Variants in ITGA2 observed in about 807,000 individuals in gnomAD.
ITGA2 encodes integrin subunit alpha 2.
In ITGA2, 101 loss-of-function variants were observed where a neutral mutation model predicts 146.3. The ratio of observed to expected loss-of-function variants is 0.69; its 90% CI spans 0.59 to 0.81. The LOEUF (loss-of-function observed/expected upper bound fraction) is 0.81. Ranked by LOEUF, ITGA2 falls within the 40% of genes least tolerant of loss-of-function variation. The probability of loss-of-function intolerance (pLI) is 0.00; values close to 1 mark genes in which losing one functional copy is unlikely to be tolerated. For missense variants in ITGA2, 1,281 were observed against 1,402.7 expected, an observed-to-expected ratio of 0.91 and a Z score of 1.39; for synonymous variants, 477 against 487.1, an observed-to-expected ratio of 0.98 and a Z score of 0.27.
In ITGA2 at chr5:53,093,539, G is replaced by C. The variant is rs6898333; in HGVS notation, c.*2940G>C. 6.6e-6 allele frequency: 1 copy of C among 151,764 alleles called. No individual in the cohort carries two copies. Among genetic ancestry groups the C allele is most frequent in the Non-Finnish European group, 1.5e-5 (1 of 67,952 alleles). 9.4% of individuals were successfully genotyped at this position (151,764 alleles called of 1,614,324 possible). A position where few individuals can be genotyped will look rare whatever the true frequency, so the allele number is the denominator to read the frequency against. On this transcript the variant is annotated 3_prime_UTR_variant, in exon 30 of 30. Transcript: ENST00000296585. ...CCCGATGCCAGAGCATGCTCCCCCC[G>C]CAGTCATGACAATCAAAAAATGTCT... is the stretch of plus-strand genomic sequence containing the variant.
At chr5:52,991,803 C>T (rs546001511) in intron 1 of ITGA2, among the ~76,000 whole-genome samples, 4 of 152,262 alleles carry the variant, frequency 2.6e-5, no homozygotes, top group African/African-American at 9.6e-5. Context: ...TATTTATCAC[C>T]TTTCAGTGCT....
chr5:53,022,208 A>AT (rs11446528), intron 1 of ITGA2, among the ~76,000 whole-genome samples: 47,363 of 113,404 alleles, frequency 0.42, 7,624 homozygotes, highest in Non-Finnish European at 0.44. Flanking sequence ...GTTTCACTGC[A>AT]TTTTTTTTTT....
chr5:53,012,851 T>C (rs1742208274), intron 1 of ITGA2, among the ~76,000 whole-genome samples: 1 of 152,320 alleles, frequency 6.6e-6, no homozygotes, highest in South Asian at 2.1e-4. Context: ...TAAAGATCAA[T>C]GGTGTGGAGC....
intron 23 of ITGA2, among the ~76,000 whole-genome samples, chr5:53,075,610 T>A (rs1745627899): frequency 6.6e-6 from 1 of 151,948 alleles, no homozygotes; most frequent in South Asian, 2.1e-4. Flanking sequence ...CTCAAAATGT[T>A]GAAACAGAAC....
chr5:52,989,606 G>C (rs1740817316), intron 1 of ITGA2, 74 bp downstream of exon 1: 3 of 1,529,934 alleles, frequency 2.0e-6, no homozygotes, highest in Admixed American at 3.3e-5. Context: ...TGGAGGGATT[G>C]GGCGGAACTA....
Position 53,059,938 on chromosome 5 carries a change from C to G in ITGA2, c.1238C>G (p.Ser413Cys). Reference protein sequence around the residue: ...GWSGTIVQKTSHGHLIFPKQA... With the variant: ...GWSGTIVQKTCHGHLIFPKQA... ...AGTGGGACCATTGTCCAGAAGACAT[C>G]TCATGGCCATTTGATCTTTCCTAAA... is the stretch of plus-strand genomic sequence containing the variant. The change falls in exon 11 of 30, where the codon TCT becomes TGT. Residue 413 changes from serine to cysteine, a missense_variant. By Grantham distance (112) the Ser-to-Cys change is moderately radical (BLOSUM62 -1). Transcript: ENST00000296585. 1 of 1,612,268 alleles carries G rather than the reference C, an allele frequency of 6.2e-7. No homozygotes were observed. Among genetic ancestry groups the G allele is most frequent in the Non-Finnish European group, 8.5e-7 (1 of 1,178,906 alleles).
At chr5:53,044,934 T>G in intron 3 of ITGA2, 67 bp from the exon 4 acceptor site, 1 of 1,152,768 alleles carries the variant, frequency 8.7e-7, no homozygotes, top group Non-Finnish European at 1.3e-6. Context: ...GTGCCTGTTT[T>G]CTTTTAATAT....
At chr5:53,028,815 C>T (rs1025092067) in intron 2 of ITGA2, among the ~76,000 whole-genome samples, 2 of 152,138 alleles carry the variant, frequency 1.3e-5, no homozygotes. Context: ...ACCAAAATAC[C>T]AATTATACCT....
intron 2 of ITGA2, among the ~76,000 whole-genome samples, chr5:53,033,590 A>AAATT (rs199738261): frequency 3.3e-5 from 5 of 151,956 alleles, no homozygotes; most frequent in Admixed American, 6.6e-5. Flanking sequence ...TTATTTAATT[A>AAATT]AATTAATTAA....
intron 2 of ITGA2, among the ~76,000 whole-genome samples, chr5:53,039,015 C>T (rs1298417466): frequency 1.3e-5 from 2 of 152,110 alleles, no homozygotes; most frequent in African/African-American, 4.8e-5. Flanking sequence ...ATTACTTGAA[C>T]CCAGGAAGTG....
At chr5:53,013,128 T>C (rs1742224783) in intron 1 of ITGA2, among the ~76,000 whole-genome samples, 1 of 152,092 alleles carries the variant, frequency 6.6e-6, no homozygotes. Context: ...GTCAATTTTG[T>C]TTTGTTATAA....
At chr5:53,055,445 G>T (rs543718645) in intron 7 of ITGA2, 93 bp from the exon 8 acceptor site, 2 of 1,105,168 alleles carry the variant, frequency 1.8e-6, no homozygotes, top group Admixed American at 1.8e-5. Flanking sequence ...TGTGTTTAAA[G>T]AAGCTAGTTT....
In ITGA2 at chr5:53,081,623, A is replaced by C; in HGVS notation, c.3071A>C (p.Asn1024Thr). Residue 1024 changes from asparagine to threonine, a missense_variant, in exon 26 of 30, where the codon AAT becomes ACT. This residue lies in a region of ITGA2 where 475 missense variants were observed against 530.5 expected (regional missense o/e 0.90). Transcript: ENST00000296585. ...GACATCAGTTGTAATGCAGATATCAATCCACTGAAAATAGGACAAACATCT... is the reference window on the plus strand; with the variant it reads ...GACATCAGTTGTAATGCAGATATCACTCCACTGAAAATAGGACAAACATCT... ...AGDISCNADINPLKIGQTSSS... is the reference protein window; with the variant it reads ...AGDISCNADITPLKIGQTSSS... 6.2e-7 allele frequency: 1 copy of C among 1,613,058 alleles called. No individual in the cohort carries two copies. Among genetic ancestry groups the C allele is most frequent in the Non-Finnish European group, 8.5e-7 (1 of 1,179,580 alleles).
In ITGA2 at chr5:53,028,747, C is replaced by G. The variant is rs565719993; in HGVS notation, c.185+1879C>G. 2.0e-5 allele frequency among the ~76,000 whole-genome samples: 3 copies of G among 152,296 alleles called. No homozygotes were observed. In the East Asian group the frequency reaches 5.8e-4, roughly 29 times the overall value. On this transcript the variant is annotated intron_variant, in intron 2 of 29. Transcript: ENST00000296585. ...AGCTAATGAGGCCAAAAATCTTTGA[C>G]TTGTCTTCTTTCTCCTCCCCTATAT...
Position 53,058,011 on chromosome 5 carries a change from A to G in ITGA2, c.1097-14A>G. The G allele has an allele frequency of 6.2e-7, 1 of 1,602,946 alleles. No individual in the cohort carries two copies. The highest frequency in any genetic ancestry group is 1.3e-5 in the African/African-American group (1 of 74,730). ...TACTGACAGTAATACAATTTTTAAA[A>G]TTGAATGTTCCAGGTACTGTTCAAG... is the stretch of plus-strand genomic sequence containing the variant. On this transcript the variant is annotated splice_polypyrimidine_tract_variant and intron_variant, in intron 9 of 29. Transcript: ENST00000296585.
intron 2 of ITGA2, among the ~76,000 whole-genome samples, chr5:53,030,720 TAG>T (rs918115755): frequency 5.3e-5 from 8 of 152,138 alleles, no homozygotes; most frequent in African/African-American, 1.9e-4. Context: ...GAGTGTAAAA[TAG>T]AGTCAGTGAG....
chr5:53,078,196 G>T (rs1188964273), intron 23 of ITGA2, among the ~76,000 whole-genome samples: 3 of 152,042 alleles, frequency 2.0e-5, no homozygotes, highest in Non-Finnish European at 4.4e-5. Flanking sequence ...TCTTAAAGGT[G>T]GTCTCTACAC....
At chr5:53,009,975 C>T (rs533807206) in intron 1 of ITGA2, among the ~76,000 whole-genome samples, 3 of 152,148 alleles carry the variant, frequency 2.0e-5, no homozygotes, top group East Asian at 3.9e-4. Flanking sequence ...TTATAACAGG[C>T]GGAATGAAGA....
chr5:53,013,356 TC>T (rs1424714151), intron 1 of ITGA2, among the ~76,000 whole-genome samples: 1 of 151,202 alleles, frequency 6.6e-6, no homozygotes, highest in African/African-American at 2.4e-5. Context: ...AAATGGGCAG[TC>T]CTTTCCCTAT....
Sources: allele counts gnomAD v4.1 joint callset (sites outside exome capture counted in the v4.1 genomes callset), GRCh38; gene constraint gnomAD v4.1.1; regional missense constraint gnomAD v4.1.1; transcripts MANE v1.5; gene names NCBI Gene and HGNC (gene_info 2026-07-23, HGNC 2026-07-21).